RNF2: variants seen among roughly 807,000 people sequenced by gnomAD.
The protein encoded by RNF2 is ring finger protein 2.
Under a neutral mutation model 37.2 loss-of-function variants are expected in RNF2, and 6 were observed. The ratio of observed to expected loss-of-function variants is 0.16; its 90% CI spans 0.09 to 0.32. The LOEUF (loss-of-function observed/expected upper bound fraction) is 0.32. RNF2 is among the 10% of genes least tolerant of loss of function. The pLI is 1.00. For synonymous variants in RNF2, 133 were observed against 132.7 expected, an observed-to-expected ratio of 1.00 and a Z score of -0.02; for missense variants, 251 against 404.0, an observed-to-expected ratio of 0.62 and a Z score of 3.25.
chr1:185,098,677 T>C (rs1315653782), intron 5 of RNF2, among the ~76,000 whole-genome samples: 1 of 152,248 alleles, frequency 6.6e-6, no homozygotes, highest in East Asian at 1.9e-4. Flanking sequence ...CACTGCTTGC[T>C]GTTGAGTACA....
chr1:185,051,033 G>A (rs1050505293), intron 1 of RNF2, among the ~76,000 whole-genome samples: 3 of 151,988 alleles, frequency 2.0e-5, no homozygotes, highest in Admixed American at 6.6e-5. Flanking sequence ...TCGCTATTGC[G>A]AAATGTGCAA....
intron 1 of RNF2, among the ~76,000 whole-genome samples, chr1:185,056,210 G>A (rs1313116308): frequency 6.6e-6 from 1 of 152,060 alleles, no homozygotes; most frequent in African/African-American, 2.4e-5. Flanking sequence ...GTTGTGTATA[G>A]TGTAGATAAC....
At chr1:185,053,196 G>A (rs929246465) in intron 1 of RNF2, among the ~76,000 whole-genome samples, 2 of 152,044 alleles carry the variant, frequency 1.3e-5, no homozygotes, top group African/African-American at 4.8e-5. Context: ...AGGTATTATT[G>A]TTATTATTCC....
At chr1:185,059,974 GT>G (rs1486300419) in intron 1 of RNF2, among the ~76,000 whole-genome samples, 1 of 152,194 alleles carries the variant, frequency 6.6e-6, no homozygotes, top group African/African-American at 2.4e-5. Context: ...TCCCAGAAAA[GT>G]AGAACTTGTT....
intron 1 of RNF2, among the ~76,000 whole-genome samples, chr1:185,072,923 G>A (rs1268204283): frequency 1.3e-5 from 2 of 152,172 alleles, no homozygotes; most frequent in African/African-American, 4.8e-5. Context: ...CTGGGCAACA[G>A]AATGAGACTC....
chr1:185,055,616 T>G (rs1650410147), intron 1 of RNF2, among the ~76,000 whole-genome samples: 1 of 152,174 alleles, frequency 6.6e-6, no homozygotes, highest in African/African-American at 2.4e-5. Flanking sequence ...GGTTTCACCA[T>G]GTTGGCAAGG....
chr1:185,058,421 G>A (rs954384991), intron 1 of RNF2, among the ~76,000 whole-genome samples: 1 of 152,162 alleles, frequency 6.6e-6, no homozygotes, highest in African/African-American at 2.4e-5. Context: ...CCAGAGGTGA[G>A]AGTTCCTTAC....
intron 1 of RNF2, among the ~76,000 whole-genome samples, chr1:185,080,010 T>C (rs1289735491): frequency 6.6e-6 from 1 of 152,174 alleles, no homozygotes; most frequent in Non-Finnish European, 1.5e-5. Context: ...CTAGATCTTG[T>C]TCAGTTGTGT....
At chr1:185,046,973 A>G (rs1012662893) in intron 1 of RNF2, among the ~76,000 whole-genome samples, 2 of 152,256 alleles carry the variant, frequency 1.3e-5, no homozygotes, top group Non-Finnish European at 2.9e-5. Context: ...AAATAGCAGC[A>G]ATATGACTCT....
chr1:185,090,713 A>G (rs1435544657), intron 2 of RNF2, among the ~76,000 whole-genome samples: 1 of 152,228 alleles, frequency 6.6e-6, no homozygotes, highest in Non-Finnish European at 1.5e-5. Flanking sequence ...TCGCCATACT[A>G]GAACTCTCCT....
chr1:185,086,475 A>G (rs549291253), intron 1 of RNF2, among the ~76,000 whole-genome samples: 12 of 152,306 alleles, frequency 7.9e-5, no homozygotes, highest in African/African-American at 2.9e-4. Context: ...GAAAGGAGGC[A>G]GAATTAATCA....
chr1:185,069,475 A>G lies in RNF2; in HGVS notation c.-2-18077A>G, dbSNP rs919974345. 1.3e-4 allele frequency among the ~76,000 whole-genome samples: 19 copies of G among 150,808 alleles called. No homozygotes were observed. In the South Asian group the frequency reaches 4.0e-3, roughly 31 times the overall value. ...CCTGTCTAAAAAAAAAAAAAAAAAA[A>G]GAAATGCAGAACATACACATTTGAG... On this transcript the variant is annotated intron_variant, in intron 1 of 6. Coordinates refer to ENST00000367510, the MANE Select transcript of RNF2 (RefSeq NM_007212.4).
At chr1:185,067,335 T>C (rs1293392246) in intron 1 of RNF2, among the ~76,000 whole-genome samples, 2 of 152,254 alleles carry the variant, frequency 1.3e-5, no homozygotes, top group African/African-American at 2.4e-5. Context: ...GGCAGTGTTA[T>C]GATGGCAGTT....
At chr1:185,097,017 G>A (rs182672534) in intron 4 of RNF2, among the ~76,000 whole-genome samples, 1 of 152,198 alleles carries the variant, frequency 6.6e-6, no homozygotes, top group Admixed American at 6.5e-5. Context: ...GAGACAGGCA[G>A]TGTGGTAGGA....
At chr1:185,094,909 A>G (rs1651869768) in intron 4 of RNF2, among the ~76,000 whole-genome samples, 1 of 152,194 alleles carries the variant, frequency 6.6e-6, no homozygotes, top group Admixed American at 6.5e-5. Flanking sequence ...CCTTGGCTGA[A>G]CATCAGACTC....
intron 1 of RNF2, among the ~76,000 whole-genome samples, chr1:185,085,801 G>A (rs1230079455): frequency 1.3e-5 from 2 of 151,880 alleles, no homozygotes; most frequent in Admixed American, 6.6e-5. Flanking sequence ...TTACAGACGC[G>A]CACCACCACA....
intron 1 of RNF2, among the ~76,000 whole-genome samples, chr1:185,047,129 A>G (rs183582194): frequency 4.9e-4 from 75 of 152,334 alleles, no homozygotes; most frequent in Non-Finnish European, 8.1e-4. Context: ...CACAGCAAAT[A>G]TGGTCCCTCA....
chr1:185,061,058 A>G (rs992315889), intron 1 of RNF2, among the ~76,000 whole-genome samples: 16 of 151,588 alleles, frequency 1.1e-4, no homozygotes, highest in Admixed American at 5.9e-4. Context: ...TTGAGGTTAC[A>G]GTGAGCCATG....
In RNF2 at chr1:185,101,543, T is replaced by C. The variant is rs1026237472; in HGVS notation, c.*1242T>C. 2.6e-5 allele frequency: 4 copies of C among 152,590 alleles called. No individual in the cohort carries two copies. Among genetic ancestry groups the C allele is most frequent in the Admixed American group, 6.5e-5 (1 of 15,272 alleles). The allele number at this position is 152,590 out of a possible 1,614,324, so 9.5% of individuals were successfully genotyped here. The stretch of plus-strand genomic sequence containing the variant: ...AGAAATAAGATTGACTTGGGTGTTA[T>C]ATTTCATCTCTCTCCAGACTCTAGG... On this transcript the variant is annotated 3_prime_UTR_variant, in exon 7 of 7. Coordinates refer to ENST00000367510, the MANE Select transcript of RNF2 (RefSeq NM_007212.4).
Sources: allele counts gnomAD v4.1 joint callset (sites outside exome capture counted in the v4.1 genomes callset), GRCh38; gene constraint gnomAD v4.1.1; transcripts MANE v1.5; gene names NCBI Gene and HGNC (gene_info 2026-07-23, HGNC 2026-07-21).